Variants in KRR1 observed in about 807,000 individuals in gnomAD.
The protein encoded by KRR1 is KRR1 small subunit processome component.
KRR1 carries 23 observed loss-of-function variants against 50.0 expected under a neutral mutation model. That is an observed-to-expected ratio of 0.46 (90% CI 0.33 to 0.65). The LOEUF is 0.65. KRR1 is among the 30% of genes least tolerant of loss of function. The pLI is 0.02. For missense variants in KRR1, 419 were observed against 442.4 expected (o/e 0.95, Z 0.47); for synonymous variants, 133 against 146.3 (o/e 0.91, Z 0.66).
At position 75,495,391 on chromosome 12, in the gene KRR1, T is replaced by C. The variant is rs182689941; in HGVS notation, c.*4418A>G. On this transcript the variant is annotated 3_prime_UTR_variant, in exon 10 of 10. Coordinates refer to ENST00000229214, the MANE Select transcript of KRR1 (RefSeq NM_007043.7). ...AAACAGGTGCATAGACACAGGTACATAGAATGAACTATGCAAATATTAGCA... is the reference window on the plus strand; with the variant it reads ...AAACAGGTGCATAGACACAGGTACACAGAATGAACTATGCAAATATTAGCA... 87 of 542,700 alleles carry C rather than the reference T, an allele frequency of 1.6e-4. No individual in the cohort carries two copies. In the East Asian group the frequency reaches 2.0e-3, roughly 12 times the overall value. The allele number at this position is 542,700 out of a possible 1,614,324, so 33.6% of individuals were successfully genotyped here. A position where few individuals can be genotyped will look rare whatever the true frequency, so the allele number is the denominator to read the frequency against.
rs551644100 is a variant in KRR1 at position 75,499,680 on chromosome 12, A to G, written c.*129T>C. The G allele has an allele frequency of 2.5e-5, 13 of 528,160 alleles. No individual in the cohort carries two copies. Among genetic ancestry groups the G allele is most frequent in the African/African-American group, 2.4e-4 (12 of 49,348 alleles). 32.7% of individuals were successfully genotyped at this position (528,160 alleles called of 1,614,324 possible). Reference sequence around the variant, plus strand: ...TATAATTTATAAAGAACACTCTTCTATGAACAACCACCACCACCAAAAAAA... The same window carrying G: ...TATAATTTATAAAGAACACTCTTCTGTGAACAACCACCACCACCAAAAAAA... On this transcript the variant is annotated 3_prime_UTR_variant, in exon 10 of 10. Coordinates refer to ENST00000229214, the MANE Select transcript of KRR1 (RefSeq NM_007043.7).
chr12:75,511,432 T>C (rs528376103), intron 1 of KRR1, 81 bp downstream of exon 1: 3 of 1,272,748 alleles, frequency 2.4e-6, no homozygotes, highest in South Asian at 2.4e-5. Flanking sequence ...GGTGGTTTTA[T>C]AAGTCCACGA....
In KRR1 at chr12:75,504,015, C is replaced by A; in HGVS notation, c.720G>T (p.Glu240Asp). Reference protein sequence around the residue: ...KDSELRSQSWERFLPQFKHKN... With the variant: ...KDSELRSQSWDRFLPQFKHKN... The stretch of plus-strand genomic sequence containing the variant: ...TGTGTTTGAACTGTGGCAAAAATCT[C>A]TCCCAACTTTGTGATCGTAATTCAG... Residue 240 changes from glutamate to aspartate, a missense_variant, in exon 7 of 10, where the codon GAG becomes GAT. Physicochemically the swap from Glu to Asp is conservative, Grantham distance 45. Coordinates refer to ENST00000229214, the MANE Select transcript of KRR1 (RefSeq NM_007043.7). 6.2e-7 allele frequency: 1 copy of A among 1,612,574 alleles called. No individual in the cohort carries two copies. Among genetic ancestry groups the A allele is most frequent in the South Asian group, 1.1e-5 (1 of 91,004 alleles).
At chr12:75,505,097 T>C in intron 6 of KRR1, 101 bp downstream of exon 6, 2 of 1,218,320 alleles carry the variant, frequency 1.6e-6, no homozygotes, top group Admixed American at 2.8e-5. Flanking sequence ...TTTATCTGTT[T>C]GTGCATTAGA....
At position 75,502,637 on chromosome 12, in the gene KRR1, T is replaced by C. The variant is rs1432037174; in HGVS notation, c.832-637A>G. ...AATCCTCACTAACAATTCTTTAAGA[T>C]AGGTATTACCATTACTCCCACTTTA... On this transcript the variant is annotated intron_variant, in intron 7 of 9. Transcript: ENST00000229214. 2.0e-5 allele frequency: 3 copies of C among 152,076 alleles called. No individual in the cohort carries two copies. In the South Asian group the frequency reaches 6.2e-4, roughly 31 times the overall value. 9.4% of individuals were successfully genotyped at this position (152,076 alleles called of 1,614,324 possible).
At chr12:75,504,919 AT>A (rs2046415317) in intron 6 of KRR1, among the ~76,000 whole-genome samples, 1 of 152,042 alleles carries the variant, frequency 6.6e-6, no homozygotes, top group African/African-American at 2.4e-5. Context: ...TCTACAACAG[AT>A]TCTGTGAAGC....
At chr12:75,506,665 T>C (rs1566105695) in intron 3 of KRR1, 56 bp from the exon 4 acceptor site, 1 of 1,541,214 alleles carries the variant, frequency 6.5e-7, no homozygotes, top group South Asian at 1.3e-5. Context: ...TACAATTACA[T>C]TCATTTTCCA....
chr12:75,504,755 T>C (rs968266154), intron 6 of KRR1, among the ~76,000 whole-genome samples: 1 of 152,026 alleles, frequency 6.6e-6, no homozygotes, highest in African/African-American at 2.4e-5. Flanking sequence ...ATAACAGTTC[T>C]CTCTCAAAGG....
At position 75,498,928 on chromosome 12, in the gene KRR1, A is replaced by C. The variant is rs1340301642; in HGVS notation, c.*881T>G. 6.2e-7 allele frequency: 1 copy of C among 1,609,200 alleles called. No homozygotes were observed. The highest frequency in any genetic ancestry group is 1.3e-5 in the African/African-American group (1 of 74,762). On this transcript the variant is annotated 3_prime_UTR_variant, in exon 10 of 10. Coordinates refer to ENST00000229214, the MANE Select transcript of KRR1 (RefSeq NM_007043.7). ...AGTAATTCTAATACTGTCTGTTATA[A>C]TTACCATTTTGGTACAGCACAAGTA... is the stretch of plus-strand genomic sequence containing the variant.
Position 75,499,219 on chromosome 12 carries a change from G to A in KRR1, c.*590C>T. ...ACTTTTAGTAAGTAACCTAACCCATGTTTCAGCTTCTAAATCTGCAAAATG... is the reference window on the plus strand; with the variant it reads ...ACTTTTAGTAAGTAACCTAACCCATATTTCAGCTTCTAAATCTGCAAAATG... On this transcript the variant is annotated 3_prime_UTR_variant, in exon 10 of 10. Coordinates refer to ENST00000229214, the MANE Select transcript of KRR1 (RefSeq NM_007043.7). 3.1e-6 allele frequency: 1 copy of A among 321,104 alleles called. No homozygotes were observed. Among genetic ancestry groups the A allele is most frequent in the Non-Finnish European group, 5.6e-6 (1 of 177,586 alleles). 19.9% of individuals were successfully genotyped at this position (321,104 alleles called of 1,614,324 possible). A position where few individuals can be genotyped will look rare whatever the true frequency, so the allele number is the denominator to read the frequency against.
chr12:75,495,821 T>G lies in KRR1; in HGVS notation c.*3988A>C, dbSNP rs12819511. The G allele has an allele frequency of 2.2e-6, 1 of 458,812 alleles. No individual in the cohort carries two copies. The highest frequency in any genetic ancestry group is 3.7e-5 in the Admixed American group (1 of 26,692). 28.4% of individuals were successfully genotyped at this position (458,812 alleles called of 1,614,324 possible). A position where few individuals can be genotyped will look rare whatever the true frequency, so the allele number is the denominator to read the frequency against. ...AATGGCTTACTGTTCTAGGAATACATTTAAGAGAAATTTAAATGTGAAAAT... is the reference window on the plus strand; with the variant it reads ...AATGGCTTACTGTTCTAGGAATACAGTTAAGAGAAATTTAAATGTGAAAAT... On this transcript the variant is annotated 3_prime_UTR_variant, in exon 10 of 10. Coordinates refer to ENST00000229214, the MANE Select transcript of KRR1 (RefSeq NM_007043.7).
At position 75,498,558 on chromosome 12, in the gene KRR1, A is replaced by C; in HGVS notation, c.*1251T>G. 1.5e-6 allele frequency: 1 copy of C among 659,226 alleles called. No homozygotes were observed. The allele number at this position is 659,226 out of a possible 1,614,324, so 40.8% of individuals were successfully genotyped here. ...CAGTCAGTTCAAAAAGTTTTGAATA[A>C]TTAAACTTGGAAAGTCACTGCAATA... On this transcript the variant is annotated 3_prime_UTR_variant, in exon 10 of 10. Coordinates refer to ENST00000229214, the MANE Select transcript of KRR1 (RefSeq NM_007043.7).
In KRR1 at chr12:75,504,090, A is replaced by G. The variant is rs1157771820; in HGVS notation, c.661-16T>C. Reference sequence around the variant, plus strand: ...TCATTAAGCTCTTTAGTCATGCAACAAAGTAAAAATTTTTACTTTCCAAAG... The same window carrying G: ...TCATTAAGCTCTTTAGTCATGCAACGAAGTAAAAATTTTTACTTTCCAAAG... On this transcript the variant is annotated splice_polypyrimidine_tract_variant and intron_variant, in intron 6 of 9. Coordinates refer to ENST00000229214, the MANE Select transcript of KRR1 (RefSeq NM_007043.7). The G allele has an allele frequency of 1.3e-6, 2 of 1,571,828 alleles. No individual in the cohort carries two copies. The highest frequency in any genetic ancestry group is 1.7e-6 in the Non-Finnish European group (2 of 1,160,610).
Position 75,498,814 on chromosome 12 carries a change from T to G in KRR1, c.*995A>C. The G allele has an allele frequency of 3.1e-6, 5 of 1,612,546 alleles. No individual in the cohort carries two copies. Among genetic ancestry groups the G allele is most frequent in the Non-Finnish European group, 4.2e-6 (5 of 1,178,854 alleles). On this transcript the variant is annotated 3_prime_UTR_variant, in exon 10 of 10. Coordinates refer to ENST00000229214, the MANE Select transcript of KRR1 (RefSeq NM_007043.7). ...AATGTCTAAGAGGATATTCTATGTT[T>G]GTTTCACAGGTTACTACTCTGTTGT...
At position 75,506,411 on chromosome 12, in the gene KRR1, G is replaced by C; in HGVS notation, c.520-12C>G. Reference sequence around the variant, plus strand: ...AAGAGTTCCAATGCCTGTATCAAGAGATCAAGTTAAAATTCATTACTCTGA... The same window carrying C: ...AAGAGTTCCAATGCCTGTATCAAGACATCAAGTTAAAATTCATTACTCTGA... On this transcript the variant is annotated splice_polypyrimidine_tract_variant and intron_variant, in intron 4 of 9. Transcript: ENST00000229214. 1 of 1,605,314 alleles carries C rather than the reference G, an allele frequency of 6.2e-7. No homozygotes were observed. Among genetic ancestry groups the C allele is most frequent in the East Asian group, 2.3e-5 (1 of 43,488 alleles).
chr12:75,503,473 A>G (rs2046407757), intron 7 of KRR1: 1 of 152,526 alleles, frequency 6.6e-6, no homozygotes, highest in South Asian at 2.1e-4. Flanking sequence ...ATGGTGGGAA[A>G]GGAAATGAAG....
intron 7 of KRR1, 39 bp downstream of exon 7, chr12:75,503,865 A>T: frequency 1.3e-6 from 2 of 1,536,306 alleles, no homozygotes; most frequent in Non-Finnish European, 1.8e-6. Flanking sequence ...ACATTAAAAT[A>T]GATTCTCCTT....
Position 75,503,946 on chromosome 12 carries a change from C to T in KRR1, c.789G>A (p.Lys263=). ...GTGGTGGGAATGGCGTATATTCTTT[C>T]TTAACAGTTTTTTTCTTTGGTTCCT... ...KRKEPKKKTV[K]KEYTPFPPPQ... The change falls in exon 7 of 10, where the codon AAG becomes AAA. Residue 263 remains lysine (K), a synonymous_variant. Coordinates refer to ENST00000229214, the MANE Select transcript of KRR1 (RefSeq NM_007043.7). 1 of 1,612,060 alleles carries T rather than the reference C, an allele frequency of 6.2e-7. No homozygotes were observed.
Position 75,499,756 on chromosome 12 carries a change from T to G in KRR1, c.*53A>C. On this transcript the variant is annotated 3_prime_UTR_variant, in exon 10 of 10. Coordinates refer to ENST00000229214, the MANE Select transcript of KRR1 (RefSeq NM_007043.7). Reference sequence around the variant, plus strand: ...CAAATAAGGCAACTAATGCCTGATATCTCAAAATCCTTTACAAAAGGAGAT... The same window carrying G: ...CAAATAAGGCAACTAATGCCTGATAGCTCAAAATCCTTTACAAAAGGAGAT... The G allele has an allele frequency of 3.6e-6, 5 of 1,407,882 alleles. No homozygotes were observed. Among genetic ancestry groups the G allele is most frequent in the Non-Finnish European group, 4.7e-6 (5 of 1,052,840 alleles). 87.2% of individuals were successfully genotyped at this position (1,407,882 alleles called of 1,614,324 possible).
Sources: allele counts gnomAD v4.1 joint callset (sites outside exome capture counted in the v4.1 genomes callset), GRCh38; gene constraint gnomAD v4.1.1; transcripts MANE v1.5; gene names NCBI Gene and HGNC (gene_info 2026-07-23, HGNC 2026-07-21).